VWF: variants seen among roughly 807,000 people sequenced by gnomAD.
VWF encodes Factor VIII related antigen.
A neutral mutation model predicts 308.6 loss-of-function variants in VWF; 176 were observed. That is an observed-to-expected ratio of 0.57 (90% CI 0.50 to 0.65). VWF has a LOEUF of 0.65. Ranked by LOEUF, VWF falls within the 30% of genes least tolerant of loss-of-function variation. The pLI is 0.00. For missense variants in VWF, 3,146 were observed against 3,648.2 expected (o/e 0.86, Z 3.55); for synonymous variants, 1,385 against 1,443.4 (o/e 0.96, Z 0.92).
chr12:6,004,509 T>C (rs1204869585), intron 34 of VWF, among the ~76,000 whole-genome samples: 1 of 151,990 alleles, frequency 6.6e-6, no homozygotes, highest in Admixed American at 6.6e-5. Context: ...CTATTCAACA[T>C]TGTACTAAAA....
chr12:6,034,576 C>T (rs1944310978), intron 20 of VWF, 112 bp downstream of exon 20: 1 of 1,547,898 alleles, frequency 6.5e-7, no homozygotes, highest in African/African-American at 1.4e-5. Flanking sequence ...CCAGTAGAAA[C>T]CAGACCCCAG....
rs61750074 is a variant in VWF, at chr12:6,019,283, G to A, written c.4135C>T (p.Arg1379Cys). The A allele has an allele frequency of 2.5e-5, 41 of 1,613,910 alleles. No homozygotes were observed. The highest frequency in any genetic ancestry group is 3.3e-5 in the South Asian group (3 of 91,068). Residue 1379 changes from arginine (R) to cysteine (C), a missense_variant, in exon 28 of 52, where the codon CGC becomes TGC. Arg to Cys is a radical substitution (Grantham distance 180). Transcript: ENST00000261405. This position sits in a 1 kb window ranked among gnomAD's most constrained non-coding sequence, Gnocchi z 5.8. The part of the protein sequence containing the change: ...FSKIDRPEAS[R>C]ITLLLMASQE... ...CTGGCCATCAGGAGCAGGGTGATGCGGGAGGCTTCAGGGCGGTCGATCTTG... is the reference window on the plus strand; with the variant it reads ...CTGGCCATCAGGAGCAGGGTGATGCAGGAGGCTTCAGGGCGGTCGATCTTG...
rs149048787 is a variant in VWF, at chr12:5,967,738, T to C, written c.7771-136A>G. 1,713 of 823,130 alleles carry C rather than the reference T, an allele frequency of 2.1e-3. 5 individuals are homozygous for C. The highest frequency in any genetic ancestry group is 4.1e-3 in the Admixed American group (230 of 56,090). 51.0% of individuals were successfully genotyped at this position (823,130 alleles called of 1,614,324 possible). ...GCTCTGCTGCTCCTCCTGTCTCCTA[T>C]GGCCCACTGCCTTCCCGTCCTCCCA... On this transcript the variant is annotated intron_variant, in intron 46 of 51. Transcript: ENST00000261405.
chr12:5,976,798 G>T (rs1340122491), intron 42 of VWF, among the ~76,000 whole-genome samples: 1 of 152,194 alleles, frequency 6.6e-6, no homozygotes, highest in African/African-American at 2.4e-5. Flanking sequence ...CTATTGGGAA[G>T]AACAATAGGC....
At chr12:6,029,318 A>G (rs373231705) in intron 22 of VWF, 24 bp downstream of exon 22, 1 of 1,613,912 alleles carries the variant, frequency 6.2e-7, no homozygotes, top group African/African-American at 1.3e-5. Context: ...GTCCCCAACA[A>G]GATGAAGCAA....
intron 50 of VWF, 34 bp downstream of exon 50, chr12:5,951,810 G>C (rs759328426): frequency 4.6e-5 from 74 of 1,613,596 alleles, no homozygotes; most frequent in Non-Finnish European, 6.0e-5. Flanking sequence ...GCTCTGATGG[G>C]TTTCAAGGGA....
At position 6,061,191 on chromosome 12, in the gene VWF, A is replaced by G. The variant is rs1944650837; in HGVS notation, c.1533+1763T>C. 2.0e-5 allele frequency among the ~76,000 whole-genome samples: 3 copies of G among 152,172 alleles called. No individual in the cohort carries two copies. In the South Asian group the frequency reaches 6.2e-4, roughly 32 times the overall value. ...CCTCCAGCCTGGGCAACAGAGTGAG[A>G]CCCTCTCTCAAAAAACAAAACAAAC... On this transcript the variant is annotated intron_variant, in intron 13 of 51. Coordinates refer to ENST00000261405, the MANE Select transcript of VWF (RefSeq NM_000552.5).
intron 6 of VWF, among the ~76,000 whole-genome samples, chr12:6,080,320 T>C (rs183253283): frequency 1.3e-5 from 2 of 152,276 alleles, no homozygotes; most frequent in Admixed American, 1.3e-4. Context: ...ATGCCTTTCA[T>C]GCCCTCCAGC....
chr12:6,067,600 T>C (rs537974468), intron 10 of VWF, among the ~76,000 whole-genome samples: 1 of 152,034 alleles, frequency 6.6e-6, no homozygotes, highest in Non-Finnish European at 1.5e-5. Context: ...CACAGGAAAA[T>C]GGGTGGGTGA....
At chr12:6,048,037 A>G (rs983307662) in intron 16 of VWF, among the ~76,000 whole-genome samples, 6 of 152,238 alleles carry the variant, frequency 3.9e-5, no homozygotes, top group African/African-American at 1.4e-4. Context: ...TATGCCTTAC[A>G]AAAGCAGATG....
intron 18 of VWF, 82 bp downstream of exon 18, chr12:6,044,209 C>A: frequency 6.4e-7 from 1 of 1,560,368 alleles, no homozygotes; most frequent in South Asian, 1.2e-5. Context: ...TTCTTCCTCT[C>A]TCTGGCTGCA....
Position 6,019,437 on chromosome 12 carries a change from G to A in VWF, c.3981C>T (p.Ala1327=), listed in dbSNP as rs1565832244. Reference sequence around the variant, plus strand: ...GCTTCCGGTCCTTGAGCCCGATGTAGGCGTGGGAGCCGTCGTGGTACTCCA... The same window carrying A: ...GCTTCCGGTCCTTGAGCCCGATGTAAGCGTGGGAGCCGTCGTGGTACTCCA... ...AVVEYHDGSH[A]YIGLKDRKRP... Residue 1327 remains alanine, a synonymous_variant, in exon 28 of 52, where the codon GCC becomes GCT. Transcript: ENST00000261405. The surrounding 1 kb of genome is among the most constrained non-coding windows in gnomAD (Gnocchi z 5.8). 1.2e-6 allele frequency: 2 copies of A among 1,613,768 alleles called. No homozygotes were observed. Among genetic ancestry groups the A allele is most frequent in the Non-Finnish European group, 8.5e-7 (1 of 1,179,876 alleles).
chr12:6,014,960 G>C (rs4021583), intron 31 of VWF, among the ~76,000 whole-genome samples: 1 of 152,194 alleles, frequency 6.6e-6, no homozygotes, highest in Non-Finnish European at 1.5e-5. Flanking sequence ...TCTTGATACT[G>C]AAGGAGAAAA....
intron 8 of VWF, 130 bp downstream of exon 8, chr12:6,073,489 T>C (rs1010565583): frequency 3.8e-6 from 5 of 1,312,136 alleles, no homozygotes; most frequent in Non-Finnish European, 5.4e-6. Context: ...GACAAAGACA[T>C]TTAAAAACTT....
chr12:6,118,299 T>A (rs570748531), intron 3 of VWF, among the ~76,000 whole-genome samples: 1 of 151,162 alleles, frequency 6.6e-6, no homozygotes, highest in Admixed American at 6.6e-5. Context: ...CTAACAGAGA[T>A]TATGGAGTCC....
intron 16 of VWF, among the ~76,000 whole-genome samples, chr12:6,048,159 T>G (rs1836906425): frequency 6.6e-6 from 1 of 152,206 alleles, no homozygotes. Context: ...ATAATTTTAT[T>G]CAGTTTTGTT....
At chr12:6,023,114 G>A (rs1182678451) in intron 25 of VWF, among the ~76,000 whole-genome samples, 1 of 152,150 alleles carries the variant, frequency 6.6e-6, no homozygotes, top group East Asian at 1.9e-4. Context: ...TACAGATGGG[G>A]TCTTGCTATG....
chr12:6,018,146 C>T (rs764467450), intron 28 of VWF, among the ~76,000 whole-genome samples: 2 of 151,282 alleles, frequency 1.3e-5, no homozygotes, highest in Non-Finnish European at 2.9e-5. Flanking sequence ...GAAGCACACA[C>T]AATAAGAAAA....
At chr12:5,972,422 T>C (rs1356265561) in intron 43 of VWF, among the ~76,000 whole-genome samples, 1 of 152,084 alleles carries the variant, frequency 6.6e-6, no homozygotes, top group African/African-American at 2.4e-5. Context: ...GCAATGACAG[T>C]GTGTTTGTCC....
Sources: gnomAD v4.1 joint callset for allele counts (sites outside exome capture counted in the v4.1 genomes callset) on GRCh38, gnomAD v4.1.1 for gene constraint, Gnocchi (gnomAD v3.1) non-coding constraint, MANE v1.5 for transcripts, NCBI Gene and HGNC (gene_info 2026-07-23, HGNC 2026-07-21) for gene names.